SPPL3: variants seen among roughly 807,000 people sequenced by gnomAD.
The protein encoded by SPPL3 is signal peptide peptidase-like 3.
In SPPL3, 5 loss-of-function variants were observed where a neutral mutation model predicts 42.4. That is an observed-to-expected ratio of 0.12 (90% CI 0.06 to 0.25). SPPL3 has a LOEUF of 0.25. Among genes scored for constraint, SPPL3 ranks in the 10% least tolerant of loss-of-function variants. The pLI is 1.00. For missense variants in SPPL3, 235 were observed against 489.0 expected, an observed-to-expected ratio of 0.48 and a Z score of 4.90; for synonymous variants, 195 against 181.8, an observed-to-expected ratio of 1.07 and a Z score of -0.58.
At chr12:120,849,405 G>A (rs969553194) in intron 1 of SPPL3, among the ~76,000 whole-genome samples, 2 of 152,128 alleles carry the variant, frequency 1.3e-5, no homozygotes, top group Admixed American at 1.3e-4. Context: ...TATTGTTTAA[G>A]TAGATACGAA....
At chr12:120,825,434 T>C (rs978537508) in intron 1 of SPPL3, among the ~76,000 whole-genome samples, 2 of 152,170 alleles carry the variant, frequency 1.3e-5, no homozygotes, top group African/African-American at 2.4e-5. Flanking sequence ...TGAAAGGAGT[T>C]TGGCTTGGTA....
intron 6 of SPPL3, among the ~76,000 whole-genome samples, chr12:120,770,835 C>G (rs568473133): frequency 6.6e-6 from 1 of 152,200 alleles, no homozygotes; most frequent in Non-Finnish European, 1.5e-5. Flanking sequence ...CTTCTTGGAG[C>G]TCCAGACTCA....
chr12:120,801,738 C>T (rs1331186797), intron 2 of SPPL3, among the ~76,000 whole-genome samples: 1 of 152,178 alleles, frequency 6.6e-6, no homozygotes, highest in African/African-American at 2.4e-5. Context: ...TGTCTTACTA[C>T]AGAGAAATAT....
chr12:120,833,766 A>AGTGTGTGTGT (rs71076664), intron 1 of SPPL3, among the ~76,000 whole-genome samples: 6 of 146,636 alleles, frequency 4.1e-5, no homozygotes, highest in African/African-American at 1.3e-4. Flanking sequence ...TGAGTTTTAA[A>AGTGTGTGTGT]GTGTGTGTGT....
intron 3 of SPPL3, among the ~76,000 whole-genome samples, chr12:120,790,661 T>C (rs1036596350): frequency 1.3e-5 from 2 of 152,198 alleles, no homozygotes; most frequent in Non-Finnish European, 2.9e-5. Context: ...GCGGGTCTCT[T>C]TATGCTCTTT....
chr12:120,854,681 A>G (rs889745514), intron 1 of SPPL3, among the ~76,000 whole-genome samples: 15 of 152,226 alleles, frequency 9.9e-5, no homozygotes, highest in African/African-American at 3.6e-4. Flanking sequence ...ATGACTGTCA[A>G]TTGGGTCTAA....
chr12:120,827,101 G>C (rs1011685662), intron 1 of SPPL3, among the ~76,000 whole-genome samples: 1 of 151,926 alleles, frequency 6.6e-6, no homozygotes, highest in Non-Finnish European at 1.5e-5. Flanking sequence ...TTAAATCACA[G>C]TATTTTGAAA....
At chr12:120,836,671 G>C (rs572396556) in intron 1 of SPPL3, among the ~76,000 whole-genome samples, 32 of 152,332 alleles carry the variant, frequency 2.1e-4, no homozygotes, top group Admixed American at 3.3e-4. Flanking sequence ...GGACCGGAGT[G>C]AGAATGGAGG....
intron 10 of SPPL3, among the ~76,000 whole-genome samples, chr12:120,765,557 C>T (rs558231488): frequency 1.3e-4 from 20 of 152,216 alleles, no homozygotes; most frequent in East Asian, 7.7e-4. Flanking sequence ...GGGTTACAGG[C>T]GTGAGCCACC....
chr12:120,876,402 A>C (rs1378276756), intron 1 of SPPL3, among the ~76,000 whole-genome samples: 1 of 151,868 alleles, frequency 6.6e-6, no homozygotes, highest in African/African-American at 2.4e-5. Context: ...TCATGAGGTC[A>C]GGAGCTCGAG....
At position 120,763,797 on chromosome 12, in the gene SPPL3, T is replaced by C. The variant is rs1868759856; in HGVS notation, c.*1202A>G. ...TCACAACAGCAAGGACAGGATTGTG[T>C]TGCTTTTTTCCTTTTTTTTTTTCTT... On this transcript the variant is annotated 3_prime_UTR_variant, in exon 11 of 11. Coordinates refer to ENST00000353487, the MANE Select transcript of SPPL3 (RefSeq NM_139015.5). 9.1e-6 allele frequency: 1 copy of C among 110,076 alleles called. No individual in the cohort carries two copies. The highest frequency in any genetic ancestry group is 3.9e-4 in the South Asian group (1 of 2,588). The allele number at this position is 110,076 out of a possible 1,614,324, so 6.8% of individuals were successfully genotyped here. A position where few individuals can be genotyped will look rare whatever the true frequency, so the allele number is the denominator to read the frequency against.
At chr12:120,871,913 A>G (rs1015169621) in intron 1 of SPPL3, among the ~76,000 whole-genome samples, 1 of 152,178 alleles carries the variant, frequency 6.6e-6, no homozygotes, top group Admixed American at 6.5e-5. Flanking sequence ...TGAGACCAGA[A>G]GTGTTTGGAT....
Position 120,877,799 on chromosome 12 carries a change from A to G in SPPL3, c.23+26046T>C, listed in dbSNP as rs539110284. ...TCCGTCTTAAAAAAAAAAAAGAAAG[A>G]AAGAAAGAAAAAGCATAACACGTTA... On this transcript the variant is annotated intron_variant, in intron 1 of 10. Coordinates refer to ENST00000353487, the MANE Select transcript of SPPL3 (RefSeq NM_139015.5). 3.3e-3 allele frequency among the ~76,000 whole-genome samples: 490 copies of G among 149,806 alleles called. 4 individuals are homozygous for G. Among genetic ancestry groups the G allele is most frequent in the African/African-American group, 0.012 (474 of 40,102 alleles).
At chr12:120,844,232 T>C (rs576449153) in intron 1 of SPPL3, among the ~76,000 whole-genome samples, 1 of 152,298 alleles carries the variant, frequency 6.6e-6, no homozygotes, top group Non-Finnish European at 1.5e-5. Flanking sequence ...TGGCAAAATC[T>C]ACAGCACAAG....
At chr12:120,836,975 A>G (rs961231573) in intron 1 of SPPL3, among the ~76,000 whole-genome samples, 2 of 139,986 alleles carry the variant, frequency 1.4e-5, no homozygotes, top group Admixed American at 8.0e-5. Context: ...CAAAGAGCAC[A>G]TGAGCTCTCT....
intron 6 of SPPL3, among the ~76,000 whole-genome samples, chr12:120,775,233 C>A (rs1408630394): frequency 6.6e-6 from 1 of 152,122 alleles, no homozygotes; most frequent in African/African-American, 2.4e-5. Context: ...TCACTGCAAC[C>A]CCTGCCTTCC....
chr12:120,826,255 T>C (rs186970186), intron 1 of SPPL3, among the ~76,000 whole-genome samples: 56 of 141,162 alleles, frequency 4.0e-4, no homozygotes, highest in Middle Eastern at 8.4e-3. Flanking sequence ...ATTGCACCAT[T>C]GCACTCCAGC....
At position 120,825,514 on chromosome 12, in the gene SPPL3, T is replaced by TAA. The variant is rs147529320; in HGVS notation, c.24-14630_24-14629dup. ...AAAGGTCATGATCTTAACTCTCTAGTAACAGGGCACATGTACACAGGAATA... is the reference window on the plus strand; with the variant it reads ...AAAGGTCATGATCTTAACTCTCTAGTAAAACAGGGCACATGTACACAGGAATA... On this transcript the variant is annotated intron_variant, in intron 1 of 10. Transcript: ENST00000353487. Among the ~76,000 whole-genome samples, 838 of 152,306 alleles carry TAA rather than the reference T, an allele frequency of 5.5e-3. 9 individuals carry two copies. Among genetic ancestry groups the TAA allele is most frequent in the African/African-American group, 0.018 (767 of 41,558 alleles).
At chr12:120,822,943 C>T (rs1234577734) in intron 1 of SPPL3, among the ~76,000 whole-genome samples, 2 of 151,942 alleles carry the variant, frequency 1.3e-5, no homozygotes, top group African/African-American at 4.8e-5. Context: ...ATGATAAAGA[C>T]TCAGCCCCTA....
Sources: allele counts gnomAD v4.1 joint callset (sites outside exome capture counted in the v4.1 genomes callset), GRCh38; gene constraint gnomAD v4.1.1; transcripts MANE v1.5; gene names NCBI Gene and HGNC (gene_info 2026-07-23, HGNC 2026-07-21).